The following PALM2AKAP2 variants were observed in gnomAD, a reference collection of about 807,000 sequenced individuals.
The protein encoded by PALM2AKAP2 is PALM2 and AKAP2 fusion.
Under a neutral mutation model 71.5 loss-of-function variants are expected in PALM2AKAP2, and 37 were observed. The observed-to-expected ratio is 0.52, with a 90% CI of 0.40 to 0.68. PALM2AKAP2 has a LOEUF of 0.68. PALM2AKAP2 is among the 30% of genes least tolerant of loss of function. PALM2AKAP2 has a pLI of 0.00. For missense variants in PALM2AKAP2, 1,224 were observed against 1,191.8 expected (o/e 1.03, Z -0.40); for synonymous variants, 468 against 478.8 (o/e 0.98, Z 0.29).
At chr9:109,653,104 T>C (rs1458318583) in intron 1 of PALM2AKAP2, among the ~76,000 whole-genome samples, 2 of 152,206 alleles carry the variant, frequency 1.3e-5, no homozygotes, top group Non-Finnish European at 2.9e-5. Flanking sequence ...CCTTCAACTC[T>C]TTTAGTTTGC....
chr9:109,843,401 C>A, intron 1 of PALM2AKAP2, among the ~76,000 whole-genome samples: 1 of 149,486 alleles, frequency 6.7e-6, no homozygotes, highest in East Asian at 2.0e-4. Context: ...TTTGATTTAA[C>A]ACATTATTTC....
intron 3 of PALM2AKAP2, among the ~76,000 whole-genome samples, chr9:109,922,812 G>A (rs1830864765): frequency 6.6e-6 from 1 of 152,290 alleles, no homozygotes; most frequent in South Asian, 2.1e-4. Flanking sequence ...TAGAGTCAGA[G>A]CACCTGGCTT....
upstream of PALM2AKAP2, among the ~76,000 whole-genome samples, chr9:109,775,892 A>T (rs984552826): frequency 2.0e-5 from 3 of 152,268 alleles, no homozygotes; most frequent in Non-Finnish European, 2.9e-5. Flanking sequence ...TATTTTGCAT[A>T]TCTAGCATTC....
chr9:109,718,272 G>T (rs1458318787), intron 1 of PALM2AKAP2, among the ~76,000 whole-genome samples: 1 of 152,014 alleles, frequency 6.6e-6, no homozygotes, highest in Non-Finnish European at 1.5e-5. Context: ...TAGAGATGGG[G>T]TTTTGCCATG....
chr9:110,135,170 TAA>T (rs57507583), intron 1 of PALM2AKAP2, among the ~76,000 whole-genome samples: 10,074 of 52,892 alleles, frequency 0.19, 2,009 homozygotes, highest in East Asian at 0.6. Context: ...AAAAAATATA[TAA>T]ATATATATAT....
chr9:109,699,955 T>C (rs973650940), intron 1 of PALM2AKAP2, among the ~76,000 whole-genome samples: 9 of 152,148 alleles, frequency 5.9e-5, no homozygotes, highest in African/African-American at 2.2e-4. Context: ...TTTGTATTTT[T>C]AGTAGAGACA....
intron 1 of PALM2AKAP2, among the ~76,000 whole-genome samples, chr9:109,711,175 G>A (rs2118607656): frequency 6.6e-6 from 1 of 150,684 alleles, no homozygotes; most frequent in African/African-American, 2.5e-5. Flanking sequence ...AAAAAAAAAT[G>A]GAAAGGTGGT....
chr9:110,032,584 G>C (rs1040826525), intron 7 of PALM2AKAP2, among the ~76,000 whole-genome samples: 2 of 151,810 alleles, frequency 1.3e-5, no homozygotes, highest in Non-Finnish European at 2.9e-5. Context: ...CCAGCCACTC[G>C]GGAGGCTGAG....
chr9:109,705,489 G>A (rs929859493), intron 1 of PALM2AKAP2, among the ~76,000 whole-genome samples: 1 of 152,178 alleles, frequency 6.6e-6, no homozygotes, highest in Non-Finnish European at 1.5e-5. Context: ...GTCATCTCCT[G>A]TGGTTCAGTT....
chr9:109,877,321 G>A (rs1430218555), intron 2 of PALM2AKAP2, among the ~76,000 whole-genome samples: 1 of 151,974 alleles, frequency 6.6e-6, no homozygotes, highest in African/African-American at 2.4e-5. Flanking sequence ...TAGGGAATTG[G>A]GCTACAATTC....
chr9:109,768,751 T>C (rs1430473237), intron 1 of PALM2AKAP2, among the ~76,000 whole-genome samples: 1 of 152,116 alleles, frequency 6.6e-6, no homozygotes, highest in Admixed American at 6.5e-5. Context: ...TGATATGAGG[T>C]TTACATTAGT....
chr9:110,063,675 C>G (rs893981697), intron 1 of PALM2AKAP2, among the ~76,000 whole-genome samples: 1 of 152,088 alleles, frequency 6.6e-6, no homozygotes, highest in Non-Finnish European at 1.5e-5. Flanking sequence ...AACTCCTGAC[C>G]TCAAGTGATC....
intron 1 of PALM2AKAP2, among the ~76,000 whole-genome samples, chr9:109,817,970 C>G (rs1460185386): frequency 6.6e-6 from 1 of 152,154 alleles, no homozygotes; most frequent in African/African-American, 2.4e-5. Context: ...CCCACATGTT[C>G]CTCTGTGACT....
intron 1 of PALM2AKAP2, among the ~76,000 whole-genome samples, chr9:110,085,019 C>T (rs1268072001): frequency 6.6e-6 from 1 of 152,000 alleles, no homozygotes; most frequent in East Asian, 1.9e-4. Context: ...GGATTACAGG[C>T]GTGAGCCACC....
chr9:109,859,588 A>G (rs1829259322), intron 1 of PALM2AKAP2, among the ~76,000 whole-genome samples: 1 of 152,262 alleles, frequency 6.6e-6, no homozygotes, highest in East Asian at 1.9e-4. Context: ...GTAAATAACT[A>G]CAGAAAACAA....
At chr9:110,119,267 C>T (rs1021679067) in intron 1 of PALM2AKAP2, among the ~76,000 whole-genome samples, 3 of 149,174 alleles carry the variant, frequency 2.0e-5, no homozygotes, top group African/African-American at 2.5e-5. Flanking sequence ...TGCTTGAACC[C>T]GGGAGGCAGA....
At chr9:110,117,664 G>T (rs496709) in intron 1 of PALM2AKAP2, among the ~76,000 whole-genome samples, 1 of 152,066 alleles carries the variant, frequency 6.6e-6, no homozygotes, top group African/African-American at 2.4e-5. Flanking sequence ...AGAGCATACA[G>T]CCTGTGAGAG....
chr9:110,040,947 C>T (rs533242097), intron 7 of PALM2AKAP2, among the ~76,000 whole-genome samples: 1 of 152,268 alleles, frequency 6.6e-6, no homozygotes, highest in African/African-American at 2.4e-5. Context: ...TATGCTGTCT[C>T]TCTATTACAG....
chr9:109,922,251 C>T (rs1830848344), intron 3 of PALM2AKAP2, among the ~76,000 whole-genome samples: 1 of 151,020 alleles, frequency 6.6e-6, no homozygotes, highest in Non-Finnish European at 1.5e-5. Flanking sequence ...AAGACCTCAC[C>T]TCTACAAAAA....
Sources: allele counts gnomAD v4.1 joint callset (sites outside exome capture counted in the v4.1 genomes callset), GRCh38; gene constraint gnomAD v4.1.1; transcripts MANE v1.5; gene names NCBI Gene and HGNC (gene_info 2026-07-23, HGNC 2026-07-21).